The following PPP1R36 variants were observed in gnomAD, a reference collection of about 807,000 sequenced individuals.
The protein encoded by PPP1R36 is chromosome 14 open reading frame 50.
A neutral mutation model predicts 53.4 loss-of-function variants in PPP1R36; 47 were observed. That is an observed-to-expected ratio of 0.88 (90% CI 0.70 to 1.12). The LOEUF is 1.12. Among genes scored for constraint, PPP1R36 ranks in the 50% most tolerant of loss-of-function variants. PPP1R36 has a pLI of 0.00. For synonymous variants in PPP1R36, 153 were observed against 170.5 expected, an observed-to-expected ratio of 0.90 and a Z score of 0.80; for missense variants, 456 against 513.9, an observed-to-expected ratio of 0.89 and a Z score of 1.09.
chr14:64,560,154 G>A (rs1017312155), intron 3 of PPP1R36, among the ~76,000 whole-genome samples: 4 of 145,556 alleles, frequency 2.7e-5, no homozygotes, highest in African/African-American at 1.0e-4. Context: ...TTAGAAAAGT[G>A]GCTGGGCCAG....
intron 8 of PPP1R36, among the ~76,000 whole-genome samples, chr14:64,578,749 A>T (rs2080363008): frequency 6.6e-6 from 1 of 152,234 alleles, no homozygotes; most frequent in African/African-American, 2.4e-5. Flanking sequence ...CAGCATTCCC[A>T]TTACTGGGTA....
intron 1 of PPP1R36, among the ~76,000 whole-genome samples, chr14:64,550,589 A>G (rs548411612): frequency 1.3e-5 from 2 of 152,132 alleles, no homozygotes; most frequent in South Asian, 2.1e-4. Context: ...TTTCCTTCCT[A>G]TCTTTCGCCC....
intron 9 of PPP1R36, 28 bp downstream of exon 9, chr14:64,586,907 T>C: frequency 6.3e-7 from 1 of 1,585,134 alleles, no homozygotes; most frequent in South Asian, 1.1e-5. Context: ...TGGTGCTTTT[T>C]GATATGAAAC....
chr14:64,583,072 T>C (rs997327471), intron 8 of PPP1R36, among the ~76,000 whole-genome samples: 5 of 131,460 alleles, frequency 3.8e-5, no homozygotes, highest in African/African-American at 1.3e-4. Flanking sequence ...TATATATATA[T>C]ATATTTTTTT....
intron 3 of PPP1R36, among the ~76,000 whole-genome samples, chr14:64,558,736 AG>A (rs1159937419): frequency 6.6e-6 from 1 of 151,894 alleles, no homozygotes; most frequent in African/African-American, 2.4e-5. Context: ...CCTGGGTTCA[AG>A]GGGTTCTCTT....
chr14:64,551,624 C>T (rs1477477326), intron 2 of PPP1R36: 1 of 456,164 alleles, frequency 2.2e-6, no homozygotes, highest in African/African-American at 2.0e-5. Flanking sequence ...TTAATGTCCT[C>T]ATTTTATAGA....
At chr14:64,579,247 G>A (rs941024589) in intron 8 of PPP1R36, among the ~76,000 whole-genome samples, 2 of 151,928 alleles carry the variant, frequency 1.3e-5, no homozygotes, top group Non-Finnish European at 2.9e-5. Context: ...ACCTTCACAT[G>A]TACCCCCAAA....
At chr14:64,569,632 G>T (rs573459050) in intron 7 of PPP1R36, among the ~76,000 whole-genome samples, 2 of 152,094 alleles carry the variant, frequency 1.3e-5, no homozygotes. Context: ...CAAATGAAAC[G>T]TAATTAGACA....
intron 3 of PPP1R36, among the ~76,000 whole-genome samples, chr14:64,564,008 T>C (rs2080229021): frequency 6.6e-6 from 1 of 152,216 alleles, no homozygotes; most frequent in African/African-American, 2.4e-5. Flanking sequence ...TTCAATGTCA[T>C]AGCAATTCCT....
At position 64,565,615 on chromosome 14, in the gene PPP1R36, T is replaced by G. The variant is rs1303219053; in HGVS notation, c.368-11T>G. The G allele has an allele frequency of 6.2e-7, 1 of 1,611,834 alleles. No homozygotes were observed. Among genetic ancestry groups the G allele is most frequent in the Non-Finnish European group, 8.5e-7 (1 of 1,178,076 alleles). ...TTGTCCCTCTCTCAATTGTTCATTT[T>G]CTCTTTTCAGTTGTTACTTTGCTTT... On this transcript the variant is annotated splice_polypyrimidine_tract_variant and intron_variant, in intron 5 of 11. Transcript: ENST00000298705.
At chr14:64,571,872 A>T (rs1264831187) in intron 7 of PPP1R36, among the ~76,000 whole-genome samples, 1 of 152,138 alleles carries the variant, frequency 6.6e-6, no homozygotes, top group Non-Finnish European at 1.5e-5. Context: ...TGCGCAGGGG[A>T]ACACCCCTCA....
At chr14:64,558,114 A>C (rs948597034) in intron 3 of PPP1R36, among the ~76,000 whole-genome samples, 1 of 152,208 alleles carries the variant, frequency 6.6e-6, no homozygotes, top group African/African-American at 2.4e-5. Context: ...CAGCAGTGTC[A>C]CAGGCTGGAG....
intron 8 of PPP1R36, among the ~76,000 whole-genome samples, chr14:64,577,870 C>T (rs372202613): frequency 3.3e-5 from 5 of 151,596 alleles, no homozygotes; most frequent in Admixed American, 6.6e-5. Flanking sequence ...GGACTACAGG[C>T]GCCCGCCACC....
intron 8 of PPP1R36, among the ~76,000 whole-genome samples, chr14:64,585,412 A>T (rs1303312370): frequency 2.0e-5 from 3 of 149,118 alleles, no homozygotes; most frequent in Non-Finnish European, 1.5e-5. Context: ...GCTACTTGGG[A>T]GGCTGAGGTG....
At chr14:64,551,840 C>T (rs187903340) in intron 2 of PPP1R36, among the ~76,000 whole-genome samples, 2 of 151,358 alleles carry the variant, frequency 1.3e-5, no homozygotes, top group Admixed American at 6.6e-5. Context: ...TACAGAACTT[C>T]TTCAGTAGGT....
rs564662653 is a variant in PPP1R36, at chr14:64,554,071, C to G, written c.182+1210C>G. Among the ~76,000 whole-genome samples the G allele has an allele frequency of 2.0e-5, 3 of 147,504 alleles. No homozygotes were observed. The South Asian group carries it at 6.4e-4, about 31-fold the overall frequency. On this transcript the variant is annotated intron_variant, in intron 3 of 11. Coordinates refer to ENST00000298705, the MANE Select transcript of PPP1R36 (RefSeq NM_172365.3). ...GACCCTTGTATATTTTAGGTCAGAGCTGGTATTTGGATTCATTGGAAATAT... is the reference window on the plus strand; with the variant it reads ...GACCCTTGTATATTTTAGGTCAGAGGTGGTATTTGGATTCATTGGAAATAT...
Position 64,554,142 on chromosome 14 carries a change from G to GTTTTTT in PPP1R36, c.182+1302_182+1307dup, listed in dbSNP as rs367753961. ...AGTCTGAGCAAATCCCATCACAATT[G>GTTTTTT]TTTTTTTTTTTTTTTTTTTTTTTTT... On this transcript the variant is annotated intron_variant, in intron 3 of 11. Transcript: ENST00000298705. 4.2e-3 allele frequency among the ~76,000 whole-genome samples: 273 copies of GTTTTTT among 65,288 alleles called. 27 individuals carry two copies. Among genetic ancestry groups the GTTTTTT allele is most frequent in the African/African-American group, 0.017 (269 of 16,112 alleles). 42.8% of individuals were successfully genotyped at this position (65,288 alleles called of 152,430 possible).
At chr14:64,587,763 CCT>C (rs1163740222) in intron 10 of PPP1R36, among the ~76,000 whole-genome samples, 7 of 151,688 alleles carry the variant, frequency 4.6e-5, no homozygotes, top group Non-Finnish European at 8.8e-5. Context: ...TGCCCAGCCT[CCT>C]CTTTTTTTTT....
At chr14:64,585,103 G>A (rs984622797) in intron 8 of PPP1R36, among the ~76,000 whole-genome samples, 1 of 152,176 alleles carries the variant, frequency 6.6e-6, no homozygotes, top group Non-Finnish European at 1.5e-5. Flanking sequence ...TGAGAAGGCC[G>A]AAGGTCCTGT....
Sources: allele counts gnomAD v4.1 joint callset (sites outside exome capture counted in the v4.1 genomes callset), GRCh38; gene constraint gnomAD v4.1.1; transcripts MANE v1.5; gene names NCBI Gene and HGNC (gene_info 2026-07-23, HGNC 2026-07-21).